The following WNT5B variants were observed in gnomAD, a reference collection of about 807,000 sequenced individuals.
WNT5B encodes the protein Wnt family member 5B, also known as protein Wnt-5b.
In WNT5B, 18 loss-of-function variants were observed where a neutral mutation model predicts 36.5. The observed-to-expected ratio is 0.49, with a 90% CI of 0.34 to 0.73. The LOEUF is 0.73. Ranked by LOEUF, WNT5B falls within the 30% of genes least tolerant of loss-of-function variation. WNT5B has a pLI of 0.01. For synonymous variants in WNT5B, 213 were observed against 212.3 expected, an observed-to-expected ratio of 1.00 and a Z score of -0.03; for missense variants, 424 against 508.4, an observed-to-expected ratio of 0.83 and a Z score of 1.60.
At position 1,618,377 on chromosome 12, in the gene WNT5B, G is replaced by A. The variant is rs769744877; in HGVS notation, c.-58+1234G>A. Among the ~76,000 whole-genome samples the A allele has an allele frequency of 6.6e-6, 1 of 152,146 alleles. No individual in the cohort carries two copies. Among genetic ancestry groups the A allele is most frequent in the Non-Finnish European group, 1.5e-5 (1 of 68,032 alleles). ...TTACTTCATTCACTCTAAGTAGACAGGAATTTGCAGAAAACAGTAGCAATT... is the reference window on the plus strand; with the variant it reads ...TTACTTCATTCACTCTAAGTAGACAAGAATTTGCAGAAAACAGTAGCAATT... On this transcript the variant is annotated intron_variant, in intron 1 of 4. Transcript: ENST00000310594. The surrounding 1 kb of genome is among the most constrained non-coding windows in gnomAD (Gnocchi z 4.1).
intron 4 of WNT5B, among the ~76,000 whole-genome samples, chr12:1,640,828 C>T (rs949078140): frequency 6.6e-5 from 10 of 152,360 alleles, no homozygotes; most frequent in African/African-American, 1.4e-4. Context: ...GGGCCTGCCC[C>T]GCAGGAATCT....
upstream of WNT5B, among the ~76,000 whole-genome samples, chr12:1,627,090 C>T (rs1251623526): frequency 6.6e-6 from 1 of 152,160 alleles, no homozygotes; most frequent in Admixed American, 6.5e-5. The surrounding 1 kb of genome is among the most constrained non-coding windows in gnomAD (Gnocchi z 5.0). Flanking sequence ...TATTCCATGG[C>T]ACATTAAATG....
chr12:1,617,139 A>G (rs1397264739), exon 1 of WNT5B: 2 of 152,212 alleles, frequency 1.3e-5, no homozygotes, highest in Non-Finnish European at 2.9e-5. Context: ...GAAGACTGGA[A>G]TCAGGTGAGG....
chr12:1,634,551 A>G (rs1262336751), intron 3 of WNT5B, among the ~76,000 whole-genome samples: 1 of 152,208 alleles, frequency 6.6e-6, no homozygotes, highest in East Asian at 1.9e-4. Flanking sequence ...CCTGTCGAAG[A>G]GAGCCCATCT....
At chr12:1,634,886 A>G (rs923978112) in intron 3 of WNT5B, among the ~76,000 whole-genome samples, 4 of 152,198 alleles carry the variant, frequency 2.6e-5, no homozygotes, top group African/African-American at 9.7e-5. Context: ...GAGGGCATGA[A>G]ATTGTTCTGC....
intron 1 of WNT5B, among the ~76,000 whole-genome samples, chr12:1,623,314 G>A (rs1418707298): frequency 1.1e-5 from 1 of 93,890 alleles, no homozygotes; most frequent in African/African-American, 4.8e-5. Context: ...TCCTGCCTCA[G>A]CCTCCCGAGT....
chr12:1,638,782 AGAG>A (rs1221463133), intron 3 of WNT5B, among the ~76,000 whole-genome samples: 2 of 151,964 alleles, frequency 1.3e-5, no homozygotes, highest in Non-Finnish European at 2.9e-5. Context: ...TGTGGAAGAG[AGAG>A]GAAGACAGCT....
Position 1,630,014 on chromosome 12 carries a change from G to C in WNT5B, c.-58+643G>C. On this transcript the variant is annotated intron_variant, in intron 1 of 4. Transcript: ENST00000397196. The surrounding 1 kb of genome is among the most constrained non-coding windows in gnomAD (Gnocchi z 5.3). ...GTGCCCCCGCCCCAGCCGAGGCTTC[G>C]AGAAGGAAAATCAAAAGGGGGCTTG... is the stretch of plus-strand genomic sequence containing the variant. 1 of 670,246 alleles carries C rather than the reference G, an allele frequency of 1.5e-6. No homozygotes were observed. The highest frequency in any genetic ancestry group is 1.8e-6 in the Non-Finnish European group (1 of 541,226). The allele number at this position is 670,246 out of a possible 1,614,324, so 41.5% of individuals were successfully genotyped here. A position where few individuals can be genotyped will look rare whatever the true frequency, so the allele number is the denominator to read the frequency against.
At chr12:1,619,143 CT>C (rs2094530616) in intron 1 of WNT5B, among the ~76,000 whole-genome samples, 1 of 150,934 alleles carries the variant, frequency 6.6e-6, no homozygotes, top group Admixed American at 6.6e-5. Flanking sequence ...CTCCCCACCC[CT>C]AAGACATTTC....
upstream of WNT5B, among the ~76,000 whole-genome samples, chr12:1,627,098 A>G (rs1245505580): frequency 2.0e-5 from 3 of 152,196 alleles, no homozygotes; most frequent in Non-Finnish European, 4.4e-5. This position sits in a 1 kb window ranked among gnomAD's most constrained non-coding sequence, Gnocchi z 5.0. Flanking sequence ...GGCACATTAA[A>G]TGCTGCGGCT....
chr12:1,640,046 C>A lies in WNT5B; in HGVS notation c.621+70C>A, dbSNP rs915833346. ...GGCTGTTCCCGGGCTGTGCCACCAG[C>A]CGTGGCCTGGCCTTCAAGGAAACGG... On this transcript the variant is annotated intron_variant, in intron 4 of 4. Coordinates refer to ENST00000397196, the MANE Select transcript of WNT5B (RefSeq NM_032642.3). 3.3e-6 allele frequency: 5 copies of A among 1,514,334 alleles called. No homozygotes were observed. The Admixed American group carries it at 7.4e-5, about 23-fold the overall frequency. 93.8% of individuals were successfully genotyped at this position (1,514,334 alleles called of 1,614,324 possible).
chr12:1,623,673 C>G (rs945628245), intron 1 of WNT5B, among the ~76,000 whole-genome samples: 1 of 152,118 alleles, frequency 6.6e-6, no homozygotes, highest in African/African-American at 2.4e-5. Context: ...TAAAATGTCC[C>G]TCCACGTTCT....
chr12:1,621,560 A>C (rs1227405500), intron 1 of WNT5B, among the ~76,000 whole-genome samples: 1 of 152,146 alleles, frequency 6.6e-6, no homozygotes, highest in African/African-American at 2.4e-5. Context: ...AAGTTAATTT[A>C]ACATTTATTA....
chr12:1,631,228 T>C (rs982873363), intron 1 of WNT5B, 70 bp from the exon 2 acceptor site: 14 of 1,424,612 alleles, frequency 9.8e-6, no homozygotes, highest in African/African-American at 1.4e-5. Context: ...TTTCTCCGCC[T>C]CACCCCGGCT....
At chr12:1,637,305 G>A (rs996967992) in intron 3 of WNT5B, among the ~76,000 whole-genome samples, 39 of 152,092 alleles carry the variant, frequency 2.6e-4, no homozygotes, top group East Asian at 5.8e-4. Context: ...GTGGACATAT[G>A]TTTTCCTTTC....
intron 1 of WNT5B, 120 bp downstream of exon 1, chr12:1,629,491 G>C (rs2094546068): frequency 1.3e-5 from 2 of 152,730 alleles, no homozygotes; most frequent in Non-Finnish European, 1.5e-5. Flanking sequence ...CGGGCGGCAG[G>C]GTGGTGGGCT....
chr12:1,644,045 C>T lies in WNT5B; in HGVS notation c.622-1749C>T, dbSNP rs764304775. The stretch of plus-strand genomic sequence containing the variant: ...CTGCAAGAGATGCTTATCCGTGCTC[C>T]GAGTTGCTAAGTGGCAAAGTGCACA... On this transcript the variant is annotated intron_variant, in intron 4 of 4. Coordinates refer to ENST00000397196, the MANE Select transcript of WNT5B (RefSeq NM_032642.3). This position sits in a 1 kb window ranked among gnomAD's most constrained non-coding sequence, Gnocchi z 5.1. Among the ~76,000 whole-genome samples, 6 of 152,098 alleles carry T rather than the reference C, an allele frequency of 3.9e-5. No individual in the cohort carries two copies. The highest frequency in any genetic ancestry group is 5.9e-5 in the Non-Finnish European group (4 of 68,026).
intron 4 of WNT5B, among the ~76,000 whole-genome samples, chr12:1,640,882 A>C (rs757140943): frequency 1.2e-4 from 18 of 152,204 alleles, no homozygotes; most frequent in Non-Finnish European, 1.5e-4. Context: ...ACAGGGACCG[A>C]GGGCAACATG....
At chr12:1,622,608 A>G (rs890531778) in intron 1 of WNT5B, among the ~76,000 whole-genome samples, 3 of 152,182 alleles carry the variant, frequency 2.0e-5, no homozygotes, top group Non-Finnish European at 4.4e-5. Context: ...CCTTGTCTTC[A>G]TGAGAGGCTG....
Sources: gnomAD v4.1 joint callset for allele counts (sites outside exome capture counted in the v4.1 genomes callset) on GRCh38, gnomAD v4.1.1 for gene constraint, Gnocchi (gnomAD v3.1) non-coding constraint, MANE v1.5 for transcripts, NCBI Gene and HGNC (gene_info 2026-07-23, HGNC 2026-07-21) for gene names.